The following RGS9 variants were observed in gnomAD, a reference collection of about 807,000 sequenced individuals.
RGS9 encodes regulator of G protein signaling 9.
A neutral mutation model predicts 102.0 loss-of-function variants in RGS9; 78 were observed. The ratio of observed to expected loss-of-function variants is 0.76; its 90% confidence interval spans 0.64 to 0.92. The LOEUF (loss-of-function observed/expected upper bound fraction) is 0.92, where lower values mean the gene tolerates loss of function less well. RGS9 is among the 40% of genes least tolerant of loss of function. The pLI is 0.00. For synonymous variants in RGS9, 353 were observed against 318.6 expected (o/e 1.11, Z -1.15); for missense variants, 833 against 866.1 (o/e 0.96, Z 0.48).
At chr17:65,145,852 A>T (rs756271262) in intron 1 of RGS9, among the ~76,000 whole-genome samples, 45 of 150,152 alleles carry the variant, frequency 3.0e-4, no homozygotes, top group Non-Finnish European at 5.2e-4. Flanking sequence ...GCCTCAGAGG[A>T]ATTTGTACGG....
chr17:65,203,773 C>A (rs1912942318), intron 14 of RGS9, among the ~76,000 whole-genome samples: 1 of 152,064 alleles, frequency 6.6e-6, no homozygotes, highest in South Asian at 2.1e-4. Context: ...GCAGAGACCC[C>A]CAGAACACCT....
At chr17:65,181,106 C>T (rs947320035) in intron 9 of RGS9, among the ~76,000 whole-genome samples, 3 of 152,194 alleles carry the variant, frequency 2.0e-5, no homozygotes, top group Admixed American at 1.3e-4. Context: ...CTGCAGTGAA[C>T]ATAGGCATGC....
At chr17:65,183,995 G>A (rs990182991) in intron 9 of RGS9, among the ~76,000 whole-genome samples, 4 of 152,202 alleles carry the variant, frequency 2.6e-5, no homozygotes, top group South Asian at 2.1e-4. Context: ...CAGAGCATCC[G>A]GAGATTCCTT....
intron 17 of RGS9, among the ~76,000 whole-genome samples, chr17:65,223,567 G>C (rs1184591151): frequency 6.6e-6 from 1 of 152,236 alleles, no homozygotes; most frequent in Admixed American, 6.5e-5. Context: ...GGAGCCACCT[G>C]CTCAGGGACC....
chr17:65,213,671 G>A (rs1234276048), intron 17 of RGS9, among the ~76,000 whole-genome samples: 2 of 151,934 alleles, frequency 1.3e-5, no homozygotes, highest in Non-Finnish European at 2.9e-5. Flanking sequence ...TGTCTCACTC[G>A]CCACAGGTTT....
chr17:65,220,095 A>G (rs370384700), intron 17 of RGS9, among the ~76,000 whole-genome samples: 3 of 152,042 alleles, frequency 2.0e-5, no homozygotes, highest in East Asian at 3.9e-4. Context: ...CACCATCACC[A>G]TTAATACACC....
At chr17:65,201,151 G>A (rs1487009843) in intron 13 of RGS9, among the ~76,000 whole-genome samples, 3 of 151,928 alleles carry the variant, frequency 2.0e-5, no homozygotes, top group African/African-American at 7.3e-5. Context: ...TCTTGTGATC[G>A]TCTTTATTTT....
chr17:65,171,936 A>AG (rs1415634399), intron 8 of RGS9, among the ~76,000 whole-genome samples: 1 of 152,150 alleles, frequency 6.6e-6, no homozygotes, highest in Admixed American at 6.5e-5. Flanking sequence ...CTGCCTCCCA[A>AG]GGATGTAGTC....
intron 8 of RGS9, among the ~76,000 whole-genome samples, chr17:65,177,527 G>A (rs1911691421): frequency 6.6e-6 from 1 of 152,176 alleles, no homozygotes; most frequent in Non-Finnish European, 1.5e-5. Flanking sequence ...TATGTTAGGT[G>A]CTGGGGATAC....
chr17:65,206,470 G>A (rs765441577), intron 15 of RGS9, among the ~76,000 whole-genome samples: 14 of 152,190 alleles, frequency 9.2e-5, no homozygotes, highest in Non-Finnish European at 1.3e-4. Context: ...ACGAGGTCGG[G>A]AGTTTGAGAC....
At chr17:65,177,554 C>T (rs974474171) in intron 8 of RGS9, among the ~76,000 whole-genome samples, 178 bp from the exon 9 acceptor site, 5 of 152,224 alleles carry the variant, frequency 3.3e-5, no homozygotes, top group African/African-American at 1.2e-4. Context: ...GCATAACAGC[C>T]CTCATGAAGC....
At chr17:65,147,587 CTTTTTTTTT>C (rs36062784) in intron 1 of RGS9, among the ~76,000 whole-genome samples, 4 of 103,704 alleles carry the variant, frequency 3.9e-5, no homozygotes, top group Non-Finnish European at 5.3e-5. Flanking sequence ...CTTTTAAAAA[CTTTTTTTTT>C]TTTTTTTTTT....
At chr17:65,159,764 A>G (rs548237059) in intron 3 of RGS9, among the ~76,000 whole-genome samples, 72 of 152,336 alleles carry the variant, frequency 4.7e-4, no homozygotes, top group African/African-American at 1.7e-3. Flanking sequence ...TGGACCCGAG[A>G]TGCAGGCAGA....
intron 17 of RGS9, among the ~76,000 whole-genome samples, chr17:65,219,126 G>A (rs1913611724): frequency 6.6e-6 from 1 of 152,218 alleles, no homozygotes; most frequent in African/African-American, 2.4e-5. Flanking sequence ...ATCCTGGAAA[G>A]CTCTATGCAG....
chr17:65,190,125 T>C (rs1430696436), intron 10 of RGS9, 50 bp from the exon 11 acceptor site: 2 of 1,430,646 alleles, frequency 1.4e-6, no homozygotes, highest in South Asian at 1.1e-5. Flanking sequence ...GTAGTGACAC[T>C]GAAGGGTGGG....
chr17:65,143,702 G>A (rs1436790425), intron 1 of RGS9, among the ~76,000 whole-genome samples: 2 of 151,350 alleles, frequency 1.3e-5, no homozygotes, highest in African/African-American at 4.9e-5. Flanking sequence ...GCTGAGGTGT[G>A]AGAATCACTT....
At chr17:65,169,615 C>G (rs1288263231) in intron 8 of RGS9, among the ~76,000 whole-genome samples, 4 of 152,326 alleles carry the variant, frequency 2.6e-5, no homozygotes, top group African/African-American at 4.8e-5. Flanking sequence ...TGTGCAGAGA[C>G]TCCTCACTGT....
At chr17:65,197,053 C>T (rs1186549722) in intron 12 of RGS9, 73 bp from the exon 13 acceptor site, 12 of 970,938 alleles carry the variant, frequency 1.2e-5, no homozygotes, top group Non-Finnish European at 2.0e-5. Flanking sequence ...AGACTAAAGG[C>T]CCTCACCCCA....
Position 65,201,453 on chromosome 17 carries a change from A to T in RGS9, c.977-540A>T, listed in dbSNP as rs937292077. On this transcript the variant is annotated intron_variant, in intron 13 of 18. Transcript: ENST00000262406. ...ACTGCAAATGATGGGTTCTCTAAGC[A>T]CAGCCAAACAAAGGAGGAAGAACTC... Among the ~76,000 whole-genome samples, 5 of 152,230 alleles carry T rather than the reference A, an allele frequency of 3.3e-5. No individual in the cohort carries two copies. The South Asian group carries it at 1.0e-3, about 32-fold the overall frequency.
Sources: gnomAD v4.1 joint callset for allele counts (sites outside exome capture counted in the v4.1 genomes callset) on GRCh38, gnomAD v4.1.1 for gene constraint, MANE v1.5 for transcripts, NCBI Gene and HGNC (gene_info 2026-07-23, HGNC 2026-07-21) for gene names.